The following ZIM3 variants were observed in gnomAD, a reference collection of about 807,000 sequenced individuals.
The protein encoded by ZIM3 is zinc finger protein 657.
ZIM3 carries 11 observed loss-of-function variants against 12.9 expected under a neutral mutation model. The observed-to-expected ratio is 0.85, with a 90% CI of 0.54 to 1.41. The LOEUF is 1.41. Ranked by LOEUF, ZIM3 falls within the 40% of genes most tolerant of loss-of-function variation. The probability of loss-of-function intolerance (pLI) is 0.00; values close to 1 mark genes in which losing one functional copy is unlikely to be tolerated. For missense variants in ZIM3, 604 were observed against 557.2 expected (o/e 1.08, Z -0.85); for synonymous variants, 205 against 198.5 (o/e 1.03, Z -0.28).
intron 1 of ZIM3, among the ~76,000 whole-genome samples, 166 bp from the exon 2 acceptor site, chr19:57,142,851 T>G (rs1012769020): frequency 6.6e-6 from 1 of 152,064 alleles, no homozygotes; most frequent in Non-Finnish European, 1.5e-5. Flanking sequence ...TTTTTTTTTT[T>G]TGTTTTGGTT....
In ZIM3 at chr19:57,135,714, C is replaced by T. The variant is rs2086883346; in HGVS notation, c.623G>A (p.Trp208Ter). 1 of 1,613,782 alleles carries T rather than the reference C, an allele frequency of 6.2e-7. No homozygotes were observed. The highest frequency in any genetic ancestry group is 8.5e-7 in the Non-Finnish European group (1 of 1,179,988). Residue 208 changes from tryptophan to a stop codon, truncating the protein, a stop_gained, in exon 5 of 5, where the codon TGG becomes TAG. Transcript: ENST00000269834. LOFTEE classifies it low-confidence loss of function (END_TRUNC). ...AGTTTTCTGATGTTTATCAAGCTTC[C>T]ACTTCTCCCCGAATGCTCTTCCACA... ...HSCGRAFGEK[W>*]KLDKHQKTHA...
rs1301055009 is a variant in ZIM3, at chr19:57,134,744, A to G, written c.*174T>C. 2 of 620,784 alleles carry G rather than the reference A, an allele frequency of 3.2e-6. No individual in the cohort carries two copies. Among genetic ancestry groups the G allele is most frequent in the African/African-American group, 3.7e-5 (2 of 54,418 alleles). The allele number at this position is 620,784 out of a possible 1,614,324, so 38.5% of individuals were successfully genotyped here. A position where few individuals can be genotyped will look rare whatever the true frequency, so the allele number is the denominator to read the frequency against. On this transcript the variant is annotated 3_prime_UTR_variant, in exon 5 of 5. Transcript: ENST00000269834. ...AGGCATCTAATAAATATTTATACTT[A>G]ATAAACATTTGCTGAGTGAGTATGC...
intron 2 of ZIM3, among the ~76,000 whole-genome samples, chr19:57,142,331 G>C (rs566633772): frequency 6.6e-6 from 1 of 151,648 alleles, no homozygotes. Flanking sequence ...TTGTAGAGAC[G>C]GGATCTCGCC....
rs185605287 is a variant in ZIM3, at chr19:57,142,847, T to A, written c.-42-162A>T. On this transcript the variant is annotated intron_variant, in intron 1 of 4. Coordinates refer to ENST00000269834, the MANE Select transcript of ZIM3 (RefSeq NM_052882.1). ...TGATCCCCTTCTGAAGGTCTTTTTTTTTTTTGTTTTGGTTTTTTTGTGTTT... is the reference window on the plus strand; with the variant it reads ...TGATCCCCTTCTGAAGGTCTTTTTTATTTTTGTTTTGGTTTTTTTGTGTTT... Among the ~76,000 whole-genome samples the A allele has an allele frequency of 8.6e-3, 1,303 of 152,236 alleles. 18 individuals carry two copies. The highest frequency in any genetic ancestry group is 0.011 in the Non-Finnish European group (721 of 68,016).
intron 3 of ZIM3, among the ~76,000 whole-genome samples, chr19:57,137,912 AAGGAAGGAAAGAAGGAAGG>A (rs2086894783): frequency 3.7e-5 from 2 of 54,214 alleles, no homozygotes; most frequent in African/African-American, 1.6e-4. Flanking sequence ...AGAAGGAAGG[AAGGAAGGAAAGAAGGAAGG>A]AAGGAAGGAA....
intron 2 of ZIM3, among the ~76,000 whole-genome samples, chr19:57,142,150 T>C (rs1467857081): frequency 6.7e-6 from 1 of 150,076 alleles, no homozygotes; most frequent in Non-Finnish European, 1.5e-5. Flanking sequence ...AGCTTTTTTT[T>C]TTTTTTTTTT....
chr19:57,135,803 TG>T lies in ZIM3; in HGVS notation c.533del (p.Ser178Ter). On this transcript the variant is annotated frameshift_variant, in exon 5 of 5. Coordinates refer to ENST00000269834, the MANE Select transcript of ZIM3 (RefSeq NM_052882.1). LOFTEE classifies it low-confidence loss of function (END_TRUNC). ...TCAGGTGACTTTGAAGGCGTGACTT[TG>T]AACTGAATAACTTTCTACAGGCATT... ...KCNACRKLFS[S>X]KSRLQSHLRR... is the part of the protein sequence containing the mutation. 6.2e-7 allele frequency: 1 copy of T among 1,614,184 alleles called. No homozygotes were observed. Among genetic ancestry groups the T allele is most frequent in the East Asian group, 2.2e-5 (1 of 44,880 alleles).
intron 1 of ZIM3, among the ~76,000 whole-genome samples, chr19:57,143,325 C>T (rs1314697920): frequency 3.5e-5 from 5 of 143,162 alleles, no homozygotes; most frequent in Non-Finnish European, 6.0e-5. Flanking sequence ...AGCGAGACTC[C>T]GTCCCAAAAA....
chr19:57,137,923 GAAGGAAGGAAGGAAGGAAGGAAGGAAA>G (rs2086895048), intron 3 of ZIM3, among the ~76,000 whole-genome samples: 1 of 36,566 alleles, frequency 2.7e-5, no homozygotes, highest in Non-Finnish European at 5.3e-5. Context: ...AGGAAGGAAA[GAAGGAAGGAAGGAAGGAAGGAAGGAAA>G]GAAGGAAGGA....
chr19:57,136,124 T>G (rs2086885876), intron 4 of ZIM3, 29 bp from the exon 5 acceptor site: 1 of 1,570,112 alleles, frequency 6.4e-7, no homozygotes, highest in African/African-American at 1.4e-5. Context: ...AAATGTCCTG[T>G]GTAAAACGTT....
At chr19:57,137,538 C>T (rs544862828) in intron 3 of ZIM3, among the ~76,000 whole-genome samples, 3 of 151,556 alleles carry the variant, frequency 2.0e-5, no homozygotes, top group East Asian at 3.9e-4. Flanking sequence ...CATGGAGAAA[C>T]CCCATCTGTG....
intron 3 of ZIM3, among the ~76,000 whole-genome samples, chr19:57,137,672 C>T (rs1323033599): frequency 6.6e-6 from 1 of 151,274 alleles, no homozygotes; most frequent in Non-Finnish European, 1.5e-5. Flanking sequence ...GAGATCACAC[C>T]ACTGCACTCC....
chr19:57,135,254 T>G lies in ZIM3; in HGVS notation c.1083A>C (p.Arg361Ser). ...TTCCACATAGATCACACTCATAAGC[T>G]CTCTTCCCAGTGTGAATTTTCTCAT... ...IDHEKIHTGK[R>S]AYECDLCGNT... The change falls in exon 5 of 5, where the codon AGA (arginine) becomes AGC (serine). Residue 361 changes from arginine (R) to serine (S), a missense_variant. Transcript: ENST00000269834. The G allele has an allele frequency of 6.2e-7, 1 of 1,614,088 alleles. No individual in the cohort carries two copies. Among genetic ancestry groups the G allele is most frequent in the Non-Finnish European group, 8.5e-7 (1 of 1,180,014 alleles).
chr19:57,142,647 C>T lies in ZIM3; in HGVS notation c.-4G>A. 6.2e-7 allele frequency: 1 copy of T among 1,613,520 alleles called. No individual in the cohort carries two copies. Among genetic ancestry groups the T allele is most frequent in the Non-Finnish European group, 8.5e-7 (1 of 1,179,648 alleles). ...AGCTCACCTGGGAATTGTTCATTTCCTGTTCTTCACCAGTCAGTAAAGTCT... is the reference window on the plus strand; with the variant it reads ...AGCTCACCTGGGAATTGTTCATTTCTTGTTCTTCACCAGTCAGTAAAGTCT... On this transcript the variant is annotated 5_prime_UTR_variant, in exon 2 of 5. Transcript: ENST00000269834.
chr19:57,141,143 C>T (rs2086911586), intron 2 of ZIM3, among the ~76,000 whole-genome samples: 1 of 152,000 alleles, frequency 6.6e-6, no homozygotes, highest in African/African-American at 2.4e-5. Context: ...CCTTGTAATC[C>T]CAGAACTTTG....
At position 57,134,693 on chromosome 19, in the gene ZIM3, G is replaced by A; in HGVS notation, c.*225C>T. 1 of 504,582 alleles carries A rather than the reference G, an allele frequency of 2.0e-6. No individual in the cohort carries two copies. The highest frequency in any genetic ancestry group is 3.5e-6 in the Non-Finnish European group (1 of 287,940). The allele number at this position is 504,582 out of a possible 1,614,324, so 31.3% of individuals were successfully genotyped here. ...CATTTGGTTTATTGCTACATCTTCA[G>A]TGTTTAAGAGTTCCTGGTACACAAA... On this transcript the variant is annotated 3_prime_UTR_variant, in exon 5 of 5. Transcript: ENST00000269834.
At position 57,135,383 on chromosome 19, in the gene ZIM3, G is replaced by T. The variant is rs141241402; in HGVS notation, c.954C>A (p.Tyr318Ter). ...QCTDCGKAFI[Y>*]KSDLVKHQRI... ...TCTGGTGTTTCACAAGATCTGACTT[G>T]TAAATGAAAGCCTTTCCACAGTCCG... The change falls in exon 5 of 5, where the codon TAC (tyrosine) becomes TAA (stop). Residue 318 changes from tyrosine to a stop codon, truncating the protein, a stop_gained. Coordinates refer to ENST00000269834, the MANE Select transcript of ZIM3 (RefSeq NM_052882.1). LOFTEE classifies it low-confidence loss of function (END_TRUNC). The T allele has an allele frequency of 2.0e-4, 329 of 1,613,844 alleles. No individual in the cohort carries two copies. The African/African-American group carries it at 4.1e-3, about 20-fold the overall frequency.
intron 1 of ZIM3, 128 bp from the exon 2 acceptor site, chr19:57,142,813 G>A: frequency 1.6e-6 from 1 of 635,664 alleles, no homozygotes; most frequent in Non-Finnish European, 2.7e-6. Flanking sequence ...GCCCTGACTT[G>A]TACCTCAGTG....
chr19:57,138,128 G>GA lies in ZIM3; in HGVS notation c.142+343dup, dbSNP rs201664869. On this transcript the variant is annotated intron_variant, in intron 3 of 4. Coordinates refer to ENST00000269834, the MANE Select transcript of ZIM3 (RefSeq NM_052882.1). ...GGAAGGAGGCAGGGAGGGAGGGAGG[G>GA]AGGGAGGGAGGGAAGGAAGGGAAAG... is the stretch of plus-strand genomic sequence containing the variant. Among the ~76,000 whole-genome samples the GA allele has an allele frequency of 3.0e-3, 418 of 137,118 alleles. 21 individuals carry two copies. Among genetic ancestry groups the GA allele is most frequent in the African/African-American group, 0.012 (384 of 33,152 alleles). The allele number at this position is 137,118 out of a possible 152,430, so 90.0% of individuals were successfully genotyped here. A position where few individuals can be genotyped will look rare whatever the true frequency, so the allele number is the denominator to read the frequency against.
Sources: allele counts gnomAD v4.1 joint callset (sites outside exome capture counted in the v4.1 genomes callset), GRCh38; gene constraint gnomAD v4.1.1; transcripts MANE v1.5; gene names NCBI Gene and HGNC (gene_info 2026-07-23, HGNC 2026-07-21).